The following LRP1B variants were observed in gnomAD, a reference collection of about 807,000 sequenced individuals.
LRP1B encodes LDL receptor related protein 1B.
A neutral mutation model predicts 556.6 loss-of-function variants in LRP1B; 217 were observed. The observed-to-expected ratio is 0.39, with a 90% CI of 0.35 to 0.44. The LOEUF (loss-of-function observed/expected upper bound fraction) is 0.44. Among genes scored for constraint, LRP1B ranks in the 20% least tolerant of loss-of-function variants. LRP1B has a pLI of 1.00. For synonymous variants in LRP1B, 2,047 were observed against 1,865.8 expected, an observed-to-expected ratio of 1.10 and a Z score of -2.50; for missense variants, 5,053 against 5,620.8, an observed-to-expected ratio of 0.90 and a Z score of 3.23.
chr2:141,176,525 G>A (rs1337202119), intron 7 of LRP1B, among the ~76,000 whole-genome samples: 1 of 151,998 alleles, frequency 6.6e-6, no homozygotes, highest in Non-Finnish European at 1.5e-5. Context: ...TGCCATGATT[G>A]TAAGTTTCCT....
intron 2 of LRP1B, among the ~76,000 whole-genome samples, chr2:141,494,247 C>T (rs1683437602): frequency 6.6e-6 from 1 of 152,162 alleles, no homozygotes; most frequent in African/African-American, 2.4e-5. Context: ...AGCCTCAGAT[C>T]TTACCTCCTA....
intron 1 of LRP1B, among the ~76,000 whole-genome samples, chr2:141,848,193 A>G (rs1697719644): frequency 6.6e-6 from 1 of 151,654 alleles, no homozygotes; most frequent in Non-Finnish European, 1.5e-5. Flanking sequence ...GGAACCCAAG[A>G]TAAACCTGAA....
chr2:141,307,274 T>A (rs2105441760), intron 3 of LRP1B, among the ~76,000 whole-genome samples: 2 of 152,258 alleles, frequency 1.3e-5, no homozygotes, highest in East Asian at 3.9e-4. Context: ...ATTTGCTTTA[T>A]ATATCTGGGT....
intron 3 of LRP1B, among the ~76,000 whole-genome samples, chr2:141,285,852 G>A (rs1438110188): frequency 6.7e-6 from 1 of 148,384 alleles, no homozygotes; most frequent in East Asian, 2.0e-4. Context: ...GGATCACGAG[G>A]TCAGGAGATC....
intron 2 of LRP1B, among the ~76,000 whole-genome samples, chr2:141,686,719 A>G (rs1691319501): frequency 6.6e-6 from 1 of 152,022 alleles, no homozygotes; most frequent in Non-Finnish European, 1.5e-5. Context: ...AATGTGGCAG[A>G]GGTGAAGCCT....
At chr2:141,459,920 T>C (rs1291024413) in intron 3 of LRP1B, among the ~76,000 whole-genome samples, 1 of 152,084 alleles carries the variant, frequency 6.6e-6, no homozygotes, top group Non-Finnish European at 1.5e-5. Context: ...GTCAGGAAAA[T>C]ATGATGTTGT....
At chr2:140,503,159 G>A (rs993860739) in intron 53 of LRP1B, 56 bp from the exon 54 acceptor site, 17 of 1,496,564 alleles carry the variant, frequency 1.1e-5, no homozygotes, top group African/African-American at 2.8e-5. Context: ...TAATTGAAAC[G>A]TCATCTCCTC....
At chr2:141,190,163 A>C (rs966145458) in intron 6 of LRP1B, among the ~76,000 whole-genome samples, 29 of 152,006 alleles carry the variant, frequency 1.9e-4, no homozygotes, top group African/African-American at 7.0e-4. Flanking sequence ...TCACCACCTG[A>C]AACCCACACC....
chr2:140,437,714 T>C (rs1357330844), intron 66 of LRP1B, among the ~76,000 whole-genome samples: 1 of 152,190 alleles, frequency 6.6e-6, no homozygotes, highest in Non-Finnish European at 1.5e-5. Flanking sequence ...ATAGAATAGA[T>C]AGATTTGCAT....
chr2:140,861,347 C>A (rs1289394548), intron 27 of LRP1B, among the ~76,000 whole-genome samples: 1 of 152,272 alleles, frequency 6.6e-6, no homozygotes, highest in African/African-American at 2.4e-5. Context: ...GCGGAGGTTG[C>A]AGTGAGCCAA....
chr2:141,241,813 T>C (rs991239866), intron 5 of LRP1B, among the ~76,000 whole-genome samples: 1 of 152,020 alleles, frequency 6.6e-6, no homozygotes, highest in South Asian at 2.1e-4. Flanking sequence ...CTGGTGCTGG[T>C]GACTAGGCTC....
chr2:141,950,186 T>C (rs1284717657), intron 1 of LRP1B, among the ~76,000 whole-genome samples: 4 of 152,190 alleles, frequency 2.6e-5, no homozygotes, highest in Admixed American at 6.6e-5. Context: ...AGATAGGCTT[T>C]AAAATGTTAA....
intron 35 of LRP1B, among the ~76,000 whole-genome samples, chr2:140,761,686 C>T (rs995773357): frequency 1.3e-5 from 2 of 152,082 alleles, no homozygotes; most frequent in African/African-American, 4.8e-5. Flanking sequence ...CAGAATCCTG[C>T]CAACAGCCCC....
At chr2:141,836,638 A>G (rs1450067904) in intron 1 of LRP1B, among the ~76,000 whole-genome samples, 1 of 152,006 alleles carries the variant, frequency 6.6e-6, no homozygotes, top group Non-Finnish European at 1.5e-5. Flanking sequence ...ACATATATCA[A>G]TTAATTTTGT....
chr2:141,995,943 A>T (rs1252776193), intron 1 of LRP1B, among the ~76,000 whole-genome samples: 1 of 152,178 alleles, frequency 6.6e-6, no homozygotes, highest in Non-Finnish European at 1.5e-5. Context: ...GATACTAATG[A>T]TCTTATACCC....
chr2:141,423,524 T>C (rs779983126), intron 3 of LRP1B, among the ~76,000 whole-genome samples: 1 of 152,046 alleles, frequency 6.6e-6, no homozygotes, highest in Non-Finnish European at 1.5e-5. Context: ...TATTCTAGCT[T>C]GTCTTTTCCA....
intron 41 of LRP1B, among the ~76,000 whole-genome samples, chr2:140,627,038 A>C (rs1410432397): frequency 6.6e-6 from 1 of 152,194 alleles, no homozygotes; most frequent in Non-Finnish European, 1.5e-5. Flanking sequence ...CTTTTAGCCT[A>C]GAGTATGAAT....
At position 141,287,951 on chromosome 2, in the gene LRP1B, C is replaced by T. The variant is rs146686933; in HGVS notation, c.344-33310G>A. 2.9e-3 allele frequency among the ~76,000 whole-genome samples: 447 copies of T among 152,218 alleles called. 7 individuals carry two copies. Among genetic ancestry groups the T allele is most frequent in the East Asian group, 0.02 (105 of 5,178 alleles). On this transcript the variant is annotated intron_variant, in intron 3 of 90. Coordinates refer to ENST00000389484, the MANE Select transcript of LRP1B (RefSeq NM_018557.3). Reference sequence around the variant, plus strand: ...ATATGAAACTTTTAAAATTCCATCTCACATATGTATATATAAAACTGTGTT... The same window carrying T: ...ATATGAAACTTTTAAAATTCCATCTTACATATGTATATATAAAACTGTGTT...
At chr2:141,243,469 G>C (rs933936941) in intron 5 of LRP1B, among the ~76,000 whole-genome samples, 4 of 152,080 alleles carry the variant, frequency 2.6e-5, no homozygotes, top group African/African-American at 9.7e-5. Flanking sequence ...GCAATAGTGT[G>C]AGACTACATC....
Sources: allele counts gnomAD v4.1 joint callset (sites outside exome capture counted in the v4.1 genomes callset), GRCh38; gene constraint gnomAD v4.1.1; transcripts MANE v1.5; gene names NCBI Gene and HGNC (gene_info 2026-07-23, HGNC 2026-07-21).